Variants in MYZAP observed in about 807,000 individuals in gnomAD.
MYZAP encodes myocardial zonula adherens protein.
In MYZAP, 66 loss-of-function variants were observed where a neutral mutation model predicts 69.4. The ratio of observed to expected loss-of-function variants is 0.95; its 90% CI spans 0.78 to 1.17. The LOEUF is 1.17. MYZAP is among the 50% of genes most tolerant of loss of function. The pLI, the probability that MYZAP is intolerant of heterozygous loss-of-function variation, is 0.00. For synonymous variants in MYZAP, 256 were observed against 205.9 expected (o/e 1.24, Z -2.09); for missense variants, 611 against 556.2 (o/e 1.10, Z -0.99).
At chr15:57,630,379 A>G (rs1483967489) in intron 6 of MYZAP, among the ~76,000 whole-genome samples, 2 of 152,218 alleles carry the variant, frequency 1.3e-5, no homozygotes, top group African/African-American at 4.8e-5. Context: ...GTAACTGAGA[A>G]GACGCTTGGG....
intron 4 of MYZAP, among the ~76,000 whole-genome samples, chr15:57,624,807 G>A (rs973607420): frequency 2.0e-5 from 3 of 152,152 alleles, no homozygotes; most frequent in African/African-American, 7.2e-5. Flanking sequence ...ACACAAAGCT[G>A]CCACATGCTC....
chr15:57,635,774 A>G (rs549978958), intron 8 of MYZAP, among the ~76,000 whole-genome samples: 2 of 152,362 alleles, frequency 1.3e-5, no homozygotes, highest in East Asian at 3.9e-4. Context: ...GGGCTGTGGC[A>G]GTGTACGTAT....
intron 5 of MYZAP, among the ~76,000 whole-genome samples, chr15:57,629,061 C>T (rs1326835728): frequency 6.2e-5 from 8 of 128,114 alleles, no homozygotes; most frequent in East Asian, 2.2e-4. Context: ...CCAGTCTGGG[C>T]GACAGAGTAA....
rs750168470 is a variant in MYZAP, at chr15:57,618,099, C to T, written c.229C>T (p.Arg77Ter). The change falls in exon 3 of 13, where the codon CGA becomes TGA. Residue 77 changes from arginine (R) to a stop codon, truncating the protein, a stop_gained. Transcript: ENST00000267853. LOFTEE classifies it high-confidence loss of function. ...LPQGVVYGVV[R>*]RSDQNQQKEM... The stretch of plus-strand genomic sequence containing the variant: ...TCAGGGTGTTGTTTATGGTGTGGTG[C>T]GAAGATCAGATCAAAATCAGCAGAA... The T allele has an allele frequency of 5.0e-6, 8 of 1,613,990 alleles. No homozygotes were observed. Among genetic ancestry groups the T allele is most frequent in the Middle Eastern group, 1.6e-4 (1 of 6,062 alleles).
In MYZAP at chr15:57,684,504, C is replaced by T. The variant is rs781332047; in HGVS notation, c.*6C>T. 6.4e-6 allele frequency: 10 copies of T among 1,566,706 alleles called. No individual in the cohort carries two copies. In the Admixed American group the frequency reaches 1.5e-4, roughly 24 times the overall value. ...TGAAGAAAACTCTGACTTAGGCACT[C>T]AGAGGCATACACTTTTTACAGATGG... On this transcript the variant is annotated 3_prime_UTR_variant, in exon 13 of 13. Coordinates refer to ENST00000267853, the MANE Select transcript of MYZAP (RefSeq NM_001018100.5).
At chr15:57,594,448 T>C (rs2033925197) in intron 1 of MYZAP, among the ~76,000 whole-genome samples, 1 of 152,160 alleles carries the variant, frequency 6.6e-6, no homozygotes, top group South Asian at 2.1e-4. Flanking sequence ...TCTTGCAGGA[T>C]GAGTAGAATT....
rs77699908 is a variant in MYZAP, at chr15:57,596,598, A to G, written c.75+4489A>G. Among the ~76,000 whole-genome samples, 114 of 152,216 alleles carry G rather than the reference A, an allele frequency of 7.5e-4. No homozygotes were observed. The East Asian group carries it at 0.021, about 29-fold the overall frequency. On this transcript the variant is annotated intron_variant, in intron 1 of 12. Coordinates refer to ENST00000267853, the MANE Select transcript of MYZAP (RefSeq NM_001018100.5). ...TCTTAAAGGCCGGGGTGATCTTTCT[A>G]AAATGCTAAATCTAGTCTCCTGACT...
intron 10 of MYZAP, among the ~76,000 whole-genome samples, chr15:57,654,142 G>A (rs2037881216): frequency 6.7e-6 from 1 of 149,386 alleles, no homozygotes; most frequent in Non-Finnish European, 1.5e-5. Flanking sequence ...AGTTTGCTTA[G>A]GTCAGAACCC....
intron 1 of MYZAP, chr15:57,599,616 C>T: frequency 7.8e-7 from 1 of 1,289,130 alleles, no homozygotes; most frequent in African/African-American, 1.5e-5. Context: ...ACCTGCCTTT[C>T]AGGCACTGCC....
chr15:57,642,732 CAT>C (rs1311948737), intron 10 of MYZAP, among the ~76,000 whole-genome samples: 3 of 152,160 alleles, frequency 2.0e-5, no homozygotes, highest in African/African-American at 7.2e-5. Context: ...TGTTAAGCAA[CAT>C]GTTTCTTCTC....
rs561541615 is a variant in MYZAP, at chr15:57,622,968, G to A, written c.411+1268G>A. Among the ~76,000 whole-genome samples, 5 of 152,186 alleles carry A rather than the reference G, an allele frequency of 3.3e-5. No homozygotes were observed. In the South Asian group the frequency reaches 8.3e-4, roughly 25 times the overall value. ...ATAATAGGCTCATTTTCTGAATATT[G>A]AAAGATCCCCCACGAATCAAGAAGA... On this transcript the variant is annotated intron_variant, in intron 4 of 12. Transcript: ENST00000267853.
intron 4 of MYZAP, among the ~76,000 whole-genome samples, chr15:57,623,875 G>C (rs1462843276): frequency 6.7e-6 from 1 of 150,264 alleles, no homozygotes; most frequent in African/African-American, 2.4e-5. Context: ...GTGAAAAAAA[G>C]CAAGATGCAA....
chr15:57,599,367 T>TG, intron 1 of MYZAP: 5 of 829,524 alleles, frequency 6.0e-6, no homozygotes, highest in Middle Eastern at 5.9e-4. Flanking sequence ...TTTTTTTTTT[T>TG]GCCATCGTCG....
intron 10 of MYZAP, among the ~76,000 whole-genome samples, chr15:57,639,786 C>A (rs1319082104): frequency 6.6e-6 from 1 of 152,188 alleles, no homozygotes; most frequent in African/African-American, 2.4e-5. Context: ...CTGGAAAGTG[C>A]AGTTCATAAG....
intron 11 of MYZAP, among the ~76,000 whole-genome samples, chr15:57,670,790 CT>C (rs1229470503): frequency 1.3e-5 from 2 of 151,942 alleles, no homozygotes; most frequent in African/African-American, 4.8e-5. Context: ...GGTGGTTACT[CT>C]AGGTATTGTA....
intron 6 of MYZAP, among the ~76,000 whole-genome samples, chr15:57,631,157 G>C (rs564935132): frequency 1.3e-5 from 2 of 148,208 alleles, no homozygotes; most frequent in Non-Finnish European, 3.0e-5. Context: ...TGCTAAAAAA[G>C]CCTGAAATTA....
chr15:57,599,583 A>C lies in MYZAP; in HGVS notation c.76-4686A>C. 3.1e-6 allele frequency: 4 copies of C among 1,287,836 alleles called. No individual in the cohort carries two copies. In the South Asian group the frequency reaches 4.9e-5, roughly 16 times the overall value. The allele number at this position is 1,287,836 out of a possible 1,614,324, so 79.8% of individuals were successfully genotyped here. ...CAAGCCCTGAACCAGCTGCTTTGGG[A>C]ACCCCTGGGAATAAAGTGCCCTACC... On this transcript the variant is annotated intron_variant, in intron 1 of 12. Transcript: ENST00000267853.
chr15:57,643,329 C>T (rs1157487807), intron 10 of MYZAP, among the ~76,000 whole-genome samples: 2 of 152,166 alleles, frequency 1.3e-5, no homozygotes, highest in African/African-American at 2.4e-5. Flanking sequence ...TGGTGTCACC[C>T]GAGTTCCAGG....
At chr15:57,648,005 C>A in intron 10 of MYZAP, 1 of 985,366 alleles carries the variant, frequency 1.0e-6, no homozygotes. Flanking sequence ...TGTCTCGTGG[C>A]CACTCAAGCC....
Sources: allele counts gnomAD v4.1 joint callset (sites outside exome capture counted in the v4.1 genomes callset), GRCh38; gene constraint gnomAD v4.1.1; transcripts MANE v1.5; gene names NCBI Gene and HGNC (gene_info 2026-07-23, HGNC 2026-07-21).